Variants in DPYD observed in about 807,000 individuals in gnomAD.
DPYD encodes dihydropyrimidine dehydrogenase [NADP(+)].
A neutral mutation model predicts 116.2 loss-of-function variants in DPYD; 109 were observed. The observed-to-expected ratio is 0.94, with a 90% confidence interval of 0.80 to 1.10. DPYD has a LOEUF of 1.10. Among genes scored for constraint, DPYD ranks in the 50% least tolerant of loss-of-function variants. The pLI is 0.00. For synonymous variants in DPYD, 440 were observed against 432.0 expected (o/e 1.02, Z -0.23); for missense variants, 1,302 against 1,254.5 (o/e 1.04, Z -0.57).
intron 8 of DPYD, among the ~76,000 whole-genome samples, chr1:97,654,279 A>G (rs1465843879): frequency 6.6e-5 from 10 of 152,194 alleles, no homozygotes; most frequent in Admixed American, 6.6e-4. Context: ...ATTGAAGTAA[A>G]ATGAAATTAT....
At chr1:97,463,584 C>G (rs934018892) in intron 13 of DPYD, among the ~76,000 whole-genome samples, 1 of 152,086 alleles carries the variant, frequency 6.6e-6, no homozygotes, top group Non-Finnish European at 1.5e-5. Flanking sequence ...GAGGCTGGAA[C>G]AGTTTGGAGA....
intron 13 of DPYD, among the ~76,000 whole-genome samples, chr1:97,477,531 A>G (rs1678037060): frequency 6.6e-6 from 1 of 151,996 alleles, no homozygotes; most frequent in Non-Finnish European, 1.5e-5. Flanking sequence ...AAAGTCATCA[A>G]TGATTATTGG....
At chr1:97,471,439 C>G (rs1244100029) in intron 13 of DPYD, among the ~76,000 whole-genome samples, 2 of 152,078 alleles carry the variant, frequency 1.3e-5, no homozygotes, top group Non-Finnish European at 1.5e-5. Flanking sequence ...AACTTGGGGT[C>G]TAAAACTGCA....
chr1:97,208,098 T>C (rs997702369), intron 19 of DPYD, among the ~76,000 whole-genome samples: 3 of 152,146 alleles, frequency 2.0e-5, no homozygotes, highest in South Asian at 4.1e-4. Flanking sequence ...GAGTGTTTAA[T>C]AGATTATTCT....
chr1:97,543,773 T>C (rs748480994), intron 12 of DPYD, among the ~76,000 whole-genome samples: 1 of 152,240 alleles, frequency 6.6e-6, no homozygotes, highest in Non-Finnish European at 1.5e-5. Flanking sequence ...ATTTTTCCTA[T>C]GTAATAGATG....
At chr1:97,110,043 TAGTGCC>T (rs1421334785) in intron 20 of DPYD, among the ~76,000 whole-genome samples, 1 of 152,082 alleles carries the variant, frequency 6.6e-6, no homozygotes, top group Non-Finnish European at 1.5e-5. Context: ...ACTCCAAGCC[TAGTGCC>T]ACTCCCTCTA....
At chr1:97,879,014 ATTTTC>A (rs1419596248) in intron 2 of DPYD, among the ~76,000 whole-genome samples, 1 of 151,928 alleles carries the variant, frequency 6.6e-6, no homozygotes, top group African/African-American at 2.4e-5. Context: ...TAAGTCAATG[ATTTTC>A]TTTTATTTCC....
At chr1:97,123,655 T>C (rs1381329021) in intron 20 of DPYD, among the ~76,000 whole-genome samples, 1 of 152,158 alleles carries the variant, frequency 6.6e-6, no homozygotes, top group East Asian at 1.9e-4. Flanking sequence ...ATTTATTAAG[T>C]AAGAAAATAT....
chr1:97,485,509 C>T (rs1466253388), intron 13 of DPYD, among the ~76,000 whole-genome samples: 1 of 152,080 alleles, frequency 6.6e-6, no homozygotes, highest in East Asian at 1.9e-4. Flanking sequence ...GCCTGACATA[C>T]TCTTTTTTAG....
intron 18 of DPYD, among the ~76,000 whole-genome samples, chr1:97,299,196 TCAAA>T (rs750409840): frequency 2.0e-5 from 3 of 152,122 alleles, no homozygotes; most frequent in Admixed American, 6.6e-5. Flanking sequence ...AAATTCAAGC[TCAAA>T]CAGTGACACA....
chr1:97,129,770 C>T (rs1199026527), intron 20 of DPYD, among the ~76,000 whole-genome samples: 1 of 152,106 alleles, frequency 6.6e-6, no homozygotes, highest in Admixed American at 6.6e-5. Flanking sequence ...CCTATTGTAG[C>T]ATTTTTATTC....
At chr1:97,889,467 C>A (rs1261289056) in intron 1 of DPYD, among the ~76,000 whole-genome samples, 1 of 151,962 alleles carries the variant, frequency 6.6e-6, no homozygotes, top group East Asian at 1.9e-4. Flanking sequence ...GCTGCAGTGC[C>A]CATACTAATA....
At chr1:97,178,873 G>A (rs1007562816) in intron 20 of DPYD, among the ~76,000 whole-genome samples, 3 of 152,100 alleles carry the variant, frequency 2.0e-5, no homozygotes, top group Non-Finnish European at 4.4e-5. Context: ...GTGCTAATAC[G>A]TGGTATCTGA....
At chr1:97,376,887 G>GTATATATATA (rs1553166538) in intron 15 of DPYD, among the ~76,000 whole-genome samples, 1 of 128,406 alleles carries the variant, frequency 7.8e-6, no homozygotes, top group African/African-American at 2.9e-5. Context: ...GTGTGTGTGT[G>GTATATATATA]TATATATATA....
At chr1:97,920,863 G>A (rs1407722847) in intron 1 of DPYD, 21 bp downstream of exon 1, 12 of 1,586,036 alleles carry the variant, frequency 7.6e-6, no homozygotes, top group African/African-American at 4.1e-5. Context: ...CACCACCGAC[G>A]AGCCGGCGCG....
At chr1:97,212,551 T>C (rs751875179) in intron 19 of DPYD, among the ~76,000 whole-genome samples, 1 of 152,062 alleles carries the variant, frequency 6.6e-6, no homozygotes, top group Non-Finnish European at 1.5e-5. Flanking sequence ...TCTTTTTTTC[T>C]GGATATATAT....
At chr1:97,846,750 T>C (rs1343604031) in intron 2 of DPYD, among the ~76,000 whole-genome samples, 2 of 152,256 alleles carry the variant, frequency 1.3e-5, no homozygotes, top group Non-Finnish European at 2.9e-5. Context: ...TACAGGGAAA[T>C]AGTTATGTAG....
chr1:97,736,463 A>G (rs1394647736), intron 4 of DPYD, among the ~76,000 whole-genome samples: 1 of 152,116 alleles, frequency 6.6e-6, no homozygotes. Flanking sequence ...CGGCTTCCAC[A>G]TGGAAATTGC....
intron 16 of DPYD, among the ~76,000 whole-genome samples, chr1:97,327,902 T>C (rs1437628747): frequency 1.3e-5 from 2 of 152,048 alleles, no homozygotes; most frequent in African/African-American, 4.8e-5. Flanking sequence ...GCAAAACTGA[T>C]ATTACAAAAA....
Sources: allele counts gnomAD v4.1 joint callset (sites outside exome capture counted in the v4.1 genomes callset), GRCh38; gene constraint gnomAD v4.1.1; transcripts MANE v1.5; gene names NCBI Gene and HGNC (gene_info 2026-07-23, HGNC 2026-07-21).